FBLN7: variants seen among roughly 807,000 people sequenced by gnomAD.
FBLN7 encodes the protein fibulin-7.
A neutral mutation model predicts 44.0 loss-of-function variants in FBLN7; 31 were observed. The observed-to-expected ratio is 0.70, with a 90% CI of 0.53 to 0.95. FBLN7 has a LOEUF of 0.95. Among genes scored for constraint, FBLN7 ranks in the 40% least tolerant of loss-of-function variants. The pLI, the probability that FBLN7 is intolerant of heterozygous loss-of-function variation, is 0.00. For missense variants in FBLN7, 573 were observed against 618.5 expected (o/e 0.93, Z 0.78); for synonymous variants, 262 against 253.4 (o/e 1.03, Z -0.32).
chr2:112,171,897 C>T (rs547273883), intron 3 of FBLN7, among the ~76,000 whole-genome samples: 101 of 152,242 alleles, frequency 6.6e-4, no homozygotes, highest in African/African-American at 2.3e-3. Flanking sequence ...CAGGTGCCCG[C>T]CACCATACCC....
At chr2:112,198,562 G>A in the FBLN7 span, among the ~76,000 whole-genome samples, 2 of 151,548 alleles carry the variant, frequency 1.3e-5, no homozygotes, top group African/African-American at 4.9e-5. Flanking sequence ...GCTTGAACCT[G>A]GGAGACAGAG....
the FBLN7 span, chr2:112,215,580 C>T: frequency 6.6e-6 from 1 of 152,166 alleles, no homozygotes; most frequent in Admixed American, 6.5e-5. Context: ...GTTGGTAATA[C>T]TATTACTTTT....
chr2:112,159,850 C>T lies in FBLN7; in HGVS notation c.235+15C>T, dbSNP rs771125232. The T allele has an allele frequency of 1.2e-5, 18 of 1,515,972 alleles. No individual in the cohort carries two copies. Among genetic ancestry groups the T allele is most frequent in the South Asian group, 7.3e-5 (6 of 81,712 alleles). The allele number at this position is 1,515,972 out of a possible 1,614,324, so 93.9% of individuals were successfully genotyped here. The stretch of plus-strand genomic sequence containing the variant: ...TGCCCTTCCAGGTGGGTCCCCACGT[C>T]GGCACCGCTGGGGCGGCAGCGCAGC... On this transcript the variant is annotated intron_variant, in intron 2 of 7. Transcript: ENST00000331203.
the FBLN7 span, among the ~76,000 whole-genome samples, chr2:112,199,772 G>A: frequency 6.6e-6 from 1 of 152,226 alleles, no homozygotes; most frequent in African/African-American, 2.4e-5. Context: ...ATGGGTTAAT[G>A]AGGCCTGTGT....
chr2:112,138,667 C>A lies in FBLN7; in HGVS notation c.12C>A (p.Ser4Arg), dbSNP rs1680468093. The A allele has an allele frequency of 1.2e-6, 2 of 1,613,830 alleles. No individual in the cohort carries two copies. Among genetic ancestry groups the A allele is most frequent in the African/African-American group, 2.7e-5 (2 of 75,008 alleles). Residue 4 changes from serine (S) to arginine (R), a missense_variant, in exon 1 of 8, where the codon AGC (serine) becomes AGA (arginine). By Grantham distance (110) the Ser-to-Arg change is moderately radical. Coordinates refer to ENST00000331203, the MANE Select transcript of FBLN7 (RefSeq NM_153214.3). MVP[S>R]SPRALFLLLL... is the part of the protein sequence containing the mutation. ...TTCCGACTGGCAAGATGGTGCCCAGCTCTCCGCGCGCGCTCTTCCTTCTGC... is the reference window on the plus strand; with the variant it reads ...TTCCGACTGGCAAGATGGTGCCCAGATCTCCGCGCGCGCTCTTCCTTCTGC...
intron 3 of FBLN7, among the ~76,000 whole-genome samples, chr2:112,171,842 G>C (rs1301734681): frequency 6.6e-6 from 1 of 152,098 alleles, no homozygotes; most frequent in Non-Finnish European, 1.5e-5. Context: ...TGCCTCCTGG[G>C]TTCATGCCAT....
Position 112,138,508 on chromosome 2 carries a change from G to A in FBLN7, c.-148G>A. On this transcript the variant is annotated 5_prime_UTR_variant, in exon 1 of 8. Coordinates refer to ENST00000331203, the MANE Select transcript of FBLN7 (RefSeq NM_153214.3). ...TCCCCGCGGGACGCGCTGCGCTCGG[G>A]GCCTCCCGCCTCCCCCCCTGCCCCA... The A allele has an allele frequency of 9.4e-7, 1 of 1,066,796 alleles. No individual in the cohort carries two copies. Among genetic ancestry groups the A allele is most frequent in the Non-Finnish European group, 1.3e-6 (1 of 790,260 alleles). 66.1% of individuals were successfully genotyped at this position (1,066,796 alleles called of 1,614,324 possible).
the FBLN7 span, among the ~76,000 whole-genome samples, chr2:112,200,680 G>A: frequency 1.1e-4 from 17 of 152,134 alleles, no homozygotes; most frequent in South Asian, 3.5e-3. Flanking sequence ...GATTACAGGT[G>A]CACCACCACC....
chr2:112,187,059 T>G lies in FBLN7; in HGVS notation c.948-75T>G, dbSNP rs1573841401. ...TAGGTGGCCTCTGCAAGAGGGCAGG[T>G]GGGCAGCCGGGTCAGAGCAGCTCTT... On this transcript the variant is annotated intron_variant, in intron 7 of 7. Transcript: ENST00000331203. This position sits in a 1 kb window ranked among gnomAD's most constrained non-coding sequence, Gnocchi z 5.1. 1 of 1,549,632 alleles carries G rather than the reference T, an allele frequency of 6.5e-7. No individual in the cohort carries two copies. Among genetic ancestry groups the G allele is most frequent in the South Asian group, 1.2e-5 (1 of 80,750 alleles).
intron 1 of FBLN7, among the ~76,000 whole-genome samples, chr2:112,158,502 C>G (rs1681552870): frequency 6.6e-6 from 1 of 151,952 alleles, no homozygotes; most frequent in African/African-American, 2.4e-5. Flanking sequence ...GTGGTGCAGT[C>G]TCGGCTCACT....
chr2:112,143,106 C>T (rs1023650361), intron 1 of FBLN7, among the ~76,000 whole-genome samples: 8 of 152,284 alleles, frequency 5.3e-5, no homozygotes, highest in African/African-American at 1.9e-4. Flanking sequence ...CTTGTCAGCG[C>T]ATCTGTCCCA....
At chr2:112,208,213 G>A in the FBLN7 span, among the ~76,000 whole-genome samples, 14 of 152,014 alleles carry the variant, frequency 9.2e-5, no homozygotes, top group African/African-American at 1.5e-4. Flanking sequence ...CAGCCTGGCC[G>A]ACATGGTGAA....
At chr2:112,177,403 T>G (rs1682786412) in intron 4 of FBLN7, 2 of 152,318 alleles carry the variant, frequency 1.3e-5, no homozygotes, top group Non-Finnish European at 2.9e-5. Flanking sequence ...TCTGGGCTCT[T>G]GCTCACCTTG....
At chr2:112,177,118 T>G (rs1682773768) in intron 4 of FBLN7, 1 of 152,254 alleles carries the variant, frequency 6.6e-6, no homozygotes, top group African/African-American at 2.4e-5. Context: ...GTATTTTTAG[T>G]AGAAACGGGG....
the FBLN7 span, among the ~76,000 whole-genome samples, chr2:112,221,685 T>A: frequency 1.1e-3 from 162 of 152,218 alleles, no homozygotes; most frequent in Non-Finnish European, 2.0e-3. Flanking sequence ...ACTGTGAAAT[T>A]CTTCTAGTGT....
At chr2:112,192,043 A>G (rs1054686127), downstream of FBLN7, among the ~76,000 whole-genome samples, 2 of 152,054 alleles carry the variant, frequency 1.3e-5, no homozygotes, top group Admixed American at 1.3e-4. Context: ...GGACCCTTCT[A>G]TTTTGCTTAA....
the FBLN7 span, among the ~76,000 whole-genome samples, chr2:112,224,263 A>C: frequency 6.6e-6 from 1 of 152,200 alleles, no homozygotes; most frequent in Non-Finnish European, 1.5e-5. Context: ...GCATAGATAT[A>C]ATCTGTTGCT....
chr2:112,144,843 A>C (rs1340833080), intron 1 of FBLN7, among the ~76,000 whole-genome samples: 1 of 151,826 alleles, frequency 6.6e-6, no homozygotes, highest in East Asian at 1.9e-4. Flanking sequence ...TTATCGGTTC[A>C]CCCACTGAAC....
intron 2 of FBLN7, among the ~76,000 whole-genome samples, chr2:112,160,222 C>T (rs1681683770): frequency 6.6e-6 from 1 of 152,178 alleles, no homozygotes; most frequent in Non-Finnish European, 1.5e-5. Context: ...GATCTCCTGA[C>T]CTCGTGATCC....
Sources: gnomAD v4.1 joint callset for allele counts (sites outside exome capture counted in the v4.1 genomes callset) on GRCh38, gnomAD v4.1.1 for gene constraint, Gnocchi (gnomAD v3.1) non-coding constraint, MANE v1.5 for transcripts, NCBI Gene and HGNC (gene_info 2026-07-23, HGNC 2026-07-21) for gene names.